RPS6KB1: variants seen among roughly 807,000 people sequenced by gnomAD.
RPS6KB1 encodes the protein ribosomal protein S6 kinase B1, also known as ribosomal protein S6 kinase beta-1.
Under a neutral mutation model 70.2 loss-of-function variants are expected in RPS6KB1, and 12 were observed. That is an observed-to-expected ratio of 0.17 (90% confidence interval 0.11 to 0.28). The LOEUF is 0.28. Ranked by LOEUF, RPS6KB1 falls within the 10% of genes least tolerant of loss-of-function variation. RPS6KB1 has a pLI of 1.00. For synonymous variants in RPS6KB1, 175 were observed against 211.2 expected (o/e 0.83, Z 1.49); for missense variants, 270 against 646.6 (o/e 0.42, Z 6.32).
chr17:59,914,839 G>GT, intron 4 of RPS6KB1, 136 bp downstream of exon 4: 1 of 692,572 alleles, frequency 1.4e-6, no homozygotes. Context: ...TCAAAAAAAT[G>GT]TATCTCAAGC....
intron 4 of RPS6KB1, among the ~76,000 whole-genome samples, chr17:59,916,716 T>C (rs2042983383): frequency 6.6e-6 from 1 of 152,208 alleles, no homozygotes; most frequent in African/African-American, 2.4e-5. Context: ...TCCTCTTGGC[T>C]CCTTCAGTGT....
chr17:59,904,123 C>G (rs1476027258), intron 1 of RPS6KB1, among the ~76,000 whole-genome samples: 2 of 151,774 alleles, frequency 1.3e-5, no homozygotes, highest in Non-Finnish European at 2.9e-5. Flanking sequence ...TTCTGTTGCC[C>G]AGGCTGGAGT....
intron 4 of RPS6KB1, among the ~76,000 whole-genome samples, chr17:59,921,052 T>TA (rs2043238621): frequency 6.6e-6 from 1 of 152,234 alleles, no homozygotes; most frequent in African/African-American, 2.4e-5. Context: ...TTATGTCGGA[T>TA]AATCAGGCCT....
chr17:59,912,341 A>C, intron 2 of RPS6KB1: 1 of 230,578 alleles, frequency 4.3e-6, no homozygotes, highest in Non-Finnish European at 8.8e-6. Context: ...TAAACGAAGG[A>C]TATAGATTTC....
At chr17:59,900,332 T>A (rs549834877) in intron 1 of RPS6KB1, among the ~76,000 whole-genome samples, 1 of 152,242 alleles carries the variant, frequency 6.6e-6, no homozygotes, top group East Asian at 1.9e-4. Flanking sequence ...TTGACATGAT[T>A]GCTTAAAGAC....
At position 59,934,137 on chromosome 17, in the gene RPS6KB1, G is replaced by T. The variant is rs180524; in HGVS notation, c.689-33G>T. On this transcript the variant is annotated intron_variant, in intron 7 of 14. Coordinates refer to ENST00000225577, the MANE Select transcript of RPS6KB1 (RefSeq NM_003161.4). This position sits in a 1 kb window ranked among gnomAD's most constrained non-coding sequence, Gnocchi z 4.8. ...CAAACACTGCACATACTTATAATTC[G>T]GAGAATAATCATGCTGTAATCTTTC... 0.47 allele frequency: 605,379 copies of T among 1,290,444 alleles called. 147,913 individuals carry two copies. Among genetic ancestry groups the T allele is most frequent in the African/African-American group, 0.83 (56,820 of 68,750 alleles). The allele number at this position is 1,290,444 out of a possible 1,614,324, so 79.9% of individuals were successfully genotyped here.
At chr17:59,933,623 T>C (rs567103518) in intron 7 of RPS6KB1, among the ~76,000 whole-genome samples, 32 of 152,316 alleles carry the variant, frequency 2.1e-4, no homozygotes, top group South Asian at 8.3e-4. Context: ...TCAGTGATGA[T>C]TGATTCATAC....
intron 13 of RPS6KB1, among the ~76,000 whole-genome samples, chr17:59,942,265 A>G (rs1190101273): frequency 1.3e-5 from 2 of 152,192 alleles, no homozygotes; most frequent in Non-Finnish European, 2.9e-5. Flanking sequence ...TTTTTTTAAC[A>G]TTAATTGTGA....
intron 12 of RPS6KB1, among the ~76,000 whole-genome samples, chr17:59,938,483 TTA>T (rs1336797646): frequency 6.6e-6 from 1 of 152,074 alleles, no homozygotes; most frequent in East Asian, 1.9e-4. Flanking sequence ...CTCTTTTCAT[TTA>T]TAGATTCCCC....
Position 59,893,561 on chromosome 17 carries a change from A to G in RPS6KB1, c.141+236A>G, listed in dbSNP as rs2144621690. On this transcript the variant is annotated intron_variant, in intron 1 of 14. Coordinates refer to ENST00000225577, the MANE Select transcript of RPS6KB1 (RefSeq NM_003161.4). The surrounding 1 kb of genome is among the most constrained non-coding windows in gnomAD (Gnocchi z 4.1). ...CCCCAGGTCAGCGCAGCCCCGAGCG[A>G]TCTGAAGAGGGAAAGAGAACGGGCG... Among the ~76,000 whole-genome samples, 1 of 152,290 alleles carries G rather than the reference A, an allele frequency of 6.6e-6. No homozygotes were observed. The highest frequency in any genetic ancestry group is 1.9e-4 in the East Asian group (1 of 5,178).
chr17:59,897,043 A>G (rs956462918), intron 1 of RPS6KB1, among the ~76,000 whole-genome samples: 1 of 152,232 alleles, frequency 6.6e-6, no homozygotes, highest in Non-Finnish European at 1.5e-5. Flanking sequence ...GGTGCATATC[A>G]GTTTTCCTCA....
chr17:59,912,947 A>G lies in RPS6KB1; in HGVS notation c.312+143A>G, dbSNP rs1350103936. 66 of 883,994 alleles carry G rather than the reference A, an allele frequency of 7.5e-5. 2 individuals are homozygous for G. In the South Asian group the frequency reaches 1.1e-3, roughly 15 times the overall value. The allele number at this position is 883,994 out of a possible 1,614,324, so 54.8% of individuals were successfully genotyped here. ...ACCACTTAGCTGGTATGTTTGAGGG[A>G]TGTACAGAAGTTCAGTTTTCCCTTC... On this transcript the variant is annotated intron_variant, in intron 3 of 14. Transcript: ENST00000225577.
At chr17:59,938,166 CTTTCT>C (rs2044350499) in intron 12 of RPS6KB1, among the ~76,000 whole-genome samples, 2 of 72,610 alleles carry the variant, frequency 2.8e-5, no homozygotes, top group Non-Finnish European at 5.6e-5. Context: ...TTTTTCTTTT[CTTTCT>C]TTTTTTTTTT....
intron 4 of RPS6KB1, among the ~76,000 whole-genome samples, chr17:59,922,795 T>G (rs2043353406): frequency 6.6e-6 from 1 of 151,278 alleles, no homozygotes; most frequent in Admixed American, 6.6e-5. Flanking sequence ...CTAGCCACCT[T>G]GGCCTCCCAA....
intron 12 of RPS6KB1, among the ~76,000 whole-genome samples, chr17:59,939,114 G>T (rs1319841153): frequency 6.6e-6 from 1 of 152,012 alleles, no homozygotes; most frequent in Non-Finnish European, 1.5e-5. Context: ...ATGTATGTTT[G>T]ATTCTTTCCT....
rs2042896011 is a variant in RPS6KB1 at position 59,915,578 on chromosome 17, GC to G, written c.381+878del. On this transcript the variant is annotated intron_variant, in intron 4 of 14. Coordinates refer to ENST00000225577, the MANE Select transcript of RPS6KB1 (RefSeq NM_003161.4). ...TCTCCCAGGTTCAAGTGATTCTCCT[GC>G]CCTAGCCTCCCTAATAGCTGGGATT... Among the ~76,000 whole-genome samples, 7 of 151,642 alleles carry G rather than the reference GC, an allele frequency of 4.6e-5. No homozygotes were observed. In the South Asian group the frequency reaches 1.5e-3, roughly 32 times the overall value.
intron 12 of RPS6KB1, among the ~76,000 whole-genome samples, chr17:59,937,980 A>G (rs2044335630): frequency 6.6e-6 from 1 of 152,084 alleles, no homozygotes; most frequent in Non-Finnish European, 1.5e-5. Context: ...TTTTTTGGTC[A>G]TGGAGCATAA....
chr17:59,923,827 T>C (rs2043425603), intron 4 of RPS6KB1, among the ~76,000 whole-genome samples: 1 of 152,102 alleles, frequency 6.6e-6, no homozygotes, highest in Non-Finnish European at 1.5e-5. Flanking sequence ...TTTCAGTTCA[T>C]ATTTGGATAT....
intron 13 of RPS6KB1, chr17:59,945,076 A>T (rs963441194): frequency 2.3e-5 from 4 of 175,968 alleles, no homozygotes; most frequent in African/African-American, 9.5e-5. Flanking sequence ...TGCTGGGATG[A>T]CAGGCGTGAG....
Sources: gnomAD v4.1 joint callset for allele counts (sites outside exome capture counted in the v4.1 genomes callset) on GRCh38, gnomAD v4.1.1 for gene constraint, Gnocchi (gnomAD v3.1) non-coding constraint, MANE v1.5 for transcripts, NCBI Gene and HGNC (gene_info 2026-07-23, HGNC 2026-07-21) for gene names.